NTN1: variants seen among roughly 807,000 people sequenced by gnomAD.
NTN1 encodes the protein netrin-1.
In NTN1, 11 loss-of-function variants were observed where a neutral mutation model predicts 54.2. That is an observed-to-expected ratio of 0.20 (90% CI 0.13 to 0.34). The LOEUF (loss-of-function observed/expected upper bound fraction) is 0.34, where lower values mean the gene tolerates loss of function less well. Among genes scored for constraint, NTN1 ranks in the 10% least tolerant of loss-of-function variants. The pLI is 1.00. For synonymous variants in NTN1, 371 were observed against 382.0 expected (o/e 0.97, Z 0.33); for missense variants, 740 against 893.1 (o/e 0.83, Z 2.18).
At chr17:9,098,987 T>C (rs906261945) in intron 2 of NTN1, among the ~76,000 whole-genome samples, 2 of 152,244 alleles carry the variant, frequency 1.3e-5, no homozygotes, top group African/African-American at 2.4e-5. Context: ...CGTTTTCCTT[T>C]GTACATGAAT....
At chr17:9,037,736 C>T (rs564361117) in intron 2 of NTN1, among the ~76,000 whole-genome samples, 1 of 152,122 alleles carries the variant, frequency 6.6e-6, no homozygotes, top group South Asian at 2.1e-4. Context: ...CCTTTTGACC[C>T]AGGGGGCATT....
chr17:9,084,439 C>G (rs2092083522), intron 2 of NTN1, among the ~76,000 whole-genome samples: 1 of 152,134 alleles, frequency 6.6e-6, no homozygotes, highest in Admixed American at 6.5e-5. Flanking sequence ...GAAACAGCCA[C>G]TAGAGTGTTG....
chr17:9,145,326 A>G lies in NTN1; in HGVS notation c.1019-17487A>G, dbSNP rs553131307. On this transcript the variant is annotated intron_variant, in intron 2 of 6. Coordinates refer to ENST00000173229, the MANE Select transcript of NTN1 (RefSeq NM_004822.3). ...CCCCCTAATTTTAGGGTAAGAAAAA[A>G]CATTTTCAAAGACTACCTGAGGGGA... 6.3e-4 allele frequency among the ~76,000 whole-genome samples: 96 copies of G among 152,262 alleles called. 1 individual carries two copies. The highest frequency in any genetic ancestry group is 5.8e-3 in the Admixed American group (88 of 15,298).
chr17:9,230,803 C>T (rs1392926052), intron 6 of NTN1, among the ~76,000 whole-genome samples: 1 of 152,216 alleles, frequency 6.6e-6, no homozygotes, highest in African/African-American at 2.4e-5. Context: ...CTCATCTGCT[C>T]CTTCCCTGGA....
At chr17:9,074,978 G>T (rs979335383) in intron 2 of NTN1, among the ~76,000 whole-genome samples, 2 of 152,232 alleles carry the variant, frequency 1.3e-5, no homozygotes, top group Non-Finnish European at 2.9e-5. Context: ...ATGTGAGTGT[G>T]GATGTGGAAT....
At chr17:9,100,119 A>T (rs964640279) in intron 2 of NTN1, among the ~76,000 whole-genome samples, 13 of 151,424 alleles carry the variant, frequency 8.6e-5, no homozygotes, top group African/African-American at 3.2e-4. Flanking sequence ...CAGCCTCATT[A>T]ACATTTTGAT....
intron 2 of NTN1, among the ~76,000 whole-genome samples, chr17:9,161,236 G>A (rs117830995): frequency 0.05 from 7,586 of 152,260 alleles, 256 homozygotes; most frequent in Middle Eastern, 0.082. Context: ...AAGACCTGGG[G>A]GATGAGAAGG....
intron 3 of NTN1, chr17:9,175,813 G>C (rs925140088): frequency 3.3e-5 from 5 of 152,250 alleles, no homozygotes; most frequent in Non-Finnish European, 7.3e-5. Flanking sequence ...TGATCTTGCC[G>C]TGTTCTCAGG....
At chr17:9,028,419 C>G (rs985641455) in intron 2 of NTN1, among the ~76,000 whole-genome samples, 1 of 152,132 alleles carries the variant, frequency 6.6e-6, no homozygotes. Flanking sequence ...GGAGGCCGCT[C>G]CCTGCTCCAC....
intron 2 of NTN1, among the ~76,000 whole-genome samples, chr17:9,090,496 A>G (rs1464973710): frequency 3.3e-5 from 5 of 152,090 alleles, no homozygotes; most frequent in African/African-American, 9.7e-5. Flanking sequence ...TTTCTTACTT[A>G]CCAAAGCAGG....
At chr17:9,031,905 G>A (rs1207010902) in intron 2 of NTN1, among the ~76,000 whole-genome samples, 2 of 152,132 alleles carry the variant, frequency 1.3e-5, no homozygotes, top group African/African-American at 4.8e-5. Flanking sequence ...AGATTGCAAT[G>A]AGTCGAGATC....
chr17:9,222,005 T>C (rs1274814277), intron 6 of NTN1, among the ~76,000 whole-genome samples: 1 of 152,136 alleles, frequency 6.6e-6, no homozygotes, highest in Non-Finnish European at 1.5e-5. Flanking sequence ...CCTGAAAGCA[T>C]TGTCCAGCTG....
At chr17:9,064,312 A>G (rs1441959182) in intron 2 of NTN1, among the ~76,000 whole-genome samples, 1 of 152,056 alleles carries the variant, frequency 6.6e-6, no homozygotes, top group Non-Finnish European at 1.5e-5. Context: ...CCTTCCCTGT[A>G]CACATTCTCT....
At chr17:9,164,200 G>A (rs950455693) in intron 3 of NTN1, among the ~76,000 whole-genome samples, 16 of 152,192 alleles carry the variant, frequency 1.1e-4, no homozygotes, top group South Asian at 6.2e-4. Flanking sequence ...CAAGACGGGC[G>A]GATCACCCTA....
chr17:9,062,145 G>A (rs1185357057), intron 2 of NTN1, among the ~76,000 whole-genome samples: 3 of 151,770 alleles, frequency 2.0e-5, no homozygotes, highest in African/African-American at 7.3e-5. Context: ...TTTAGTCCCC[G>A]AGGCTCAGAC....
chr17:9,143,933 G>C (rs892601787), intron 2 of NTN1, among the ~76,000 whole-genome samples: 1 of 143,388 alleles, frequency 7.0e-6, no homozygotes, highest in African/African-American at 2.6e-5. Flanking sequence ...TTTCGCTCTT[G>C]TTGCCCAGGC....
intron 5 of NTN1, among the ~76,000 whole-genome samples, chr17:9,185,187 G>A (rs12602219): frequency 0.17 from 25,382 of 152,076 alleles, 2,643 homozygotes; most frequent in East Asian, 0.42. Flanking sequence ...CCAGAGAACC[G>A]GAGCCATCTC....
intron 2 of NTN1, among the ~76,000 whole-genome samples, chr17:9,099,646 G>A (rs1012530472): frequency 1.3e-5 from 2 of 151,950 alleles, no homozygotes; most frequent in Admixed American, 6.6e-5. Context: ...ATTCCTGGAG[G>A]TAAAATGTCT....
intron 2 of NTN1, among the ~76,000 whole-genome samples, chr17:9,089,139 G>A (rs367656574): frequency 6.6e-5 from 10 of 152,226 alleles, no homozygotes; most frequent in South Asian, 2.1e-4. Flanking sequence ...GGTGCCAGGC[G>A]CGGTGGCTCA....
Sources: allele counts gnomAD v4.1 joint callset (sites outside exome capture counted in the v4.1 genomes callset), GRCh38; gene constraint gnomAD v4.1.1; transcripts MANE v1.5; gene names NCBI Gene and HGNC (gene_info 2026-07-23, HGNC 2026-07-21).